KIF18A: variants seen among roughly 807,000 people sequenced by gnomAD.
KIF18A encodes kinesin family member 18A, also known as kinesin-like protein KIF18A.
Under a neutral mutation model 103.3 loss-of-function variants are expected in KIF18A, and 67 were observed. The observed-to-expected ratio is 0.65, with a 90% CI of 0.53 to 0.79. The LOEUF (loss-of-function observed/expected upper bound fraction) is 0.79. KIF18A is among the 30% of genes least tolerant of loss of function. KIF18A has a pLI of 0.00. For missense variants in KIF18A, 1,032 were observed against 1,062.5 expected, an observed-to-expected ratio of 0.97 and a Z score of 0.40; for synonymous variants, 367 against 355.5, an observed-to-expected ratio of 1.03 and a Z score of -0.36.
intron 13 of KIF18A, among the ~76,000 whole-genome samples, chr11:28,044,741 G>A (rs1850607806): frequency 1.3e-5 from 2 of 151,984 alleles, no homozygotes; most frequent in Non-Finnish European, 1.5e-5. Context: ...AACTGTAAAT[G>A]CATGCACTGA....
rs1180186054 is a variant in KIF18A at position 28,064,207 on chromosome 11, G to T, written c.1591-1691C>A. 5.9e-5 allele frequency among the ~76,000 whole-genome samples: 9 copies of T among 151,846 alleles called. 2 individuals are homozygous for T. The South Asian group carries it at 1.9e-3, about 32-fold the overall frequency. On this transcript the variant is annotated intron_variant, in intron 11 of 16. Coordinates refer to ENST00000263181, the MANE Select transcript of KIF18A (RefSeq NM_031217.4). ...TTATACTTCAAGAAATATAGCAAAT[G>T]TTTTAGAAAAAAATTTATCTTTATG...
intron 11 of KIF18A, among the ~76,000 whole-genome samples, chr11:28,068,551 A>G (rs1185441913): frequency 6.6e-6 from 1 of 151,740 alleles, no homozygotes; most frequent in East Asian, 1.9e-4. Flanking sequence ...TTTCTAGCCA[A>G]TACATTAGTC....
chr11:28,089,482 T>G (rs569061473), intron 5 of KIF18A, among the ~76,000 whole-genome samples: 1 of 152,208 alleles, frequency 6.6e-6, no homozygotes, highest in Non-Finnish European at 1.5e-5. Flanking sequence ...CATAATTGTA[T>G]GTACTATATT....
At chr11:28,088,453 A>G (rs1295792577) in intron 6 of KIF18A, 71 bp downstream of exon 6, 1 of 1,287,734 alleles carries the variant, frequency 7.8e-7, no homozygotes, top group Non-Finnish European at 1.1e-6. Flanking sequence ...AAACAAAATC[A>G]TATTAAATAG....
At chr11:28,024,892 C>T (rs1457777071) in intron 15 of KIF18A, among the ~76,000 whole-genome samples, 1 of 151,878 alleles carries the variant, frequency 6.6e-6, no homozygotes, top group Middle Eastern at 3.2e-3. Flanking sequence ...CTTCTAAGAT[C>T]GCCAGTGGAT....
At chr11:28,041,324 G>C (rs189804029) in intron 13 of KIF18A, among the ~76,000 whole-genome samples, 246 of 151,854 alleles carry the variant, frequency 1.6e-3, no homozygotes, top group African/African-American at 5.7e-3. Flanking sequence ...CAATTCTAAG[G>C]ATGGAATATG....
At chr11:28,101,452 T>A (rs1424579363) in intron 1 of KIF18A, among the ~76,000 whole-genome samples, 1 of 152,184 alleles carries the variant, frequency 6.6e-6, no homozygotes, top group African/African-American at 2.4e-5. Flanking sequence ...AGTTAATTAA[T>A]TCATGACAAC....
At chr11:28,070,783 G>GTAA (rs1851002702) in intron 10 of KIF18A, among the ~76,000 whole-genome samples, 1 of 152,240 alleles carries the variant, frequency 6.6e-6, no homozygotes, top group Non-Finnish European at 1.5e-5. Flanking sequence ...GCTCATGCCA[G>GTAA]TAATTCTAGC....
chr11:28,022,160 T>C (rs75509368), intron 16 of KIF18A, among the ~76,000 whole-genome samples: 4,318 of 152,256 alleles, frequency 0.028, 71 homozygotes, highest in Non-Finnish European at 0.044. Context: ...CACTTTTTTT[T>C]CCCCATAGTA....
In KIF18A at chr11:28,036,459, A is replaced by G. The variant is rs767716781; in HGVS notation, c.2154T>C (p.Ser718=). ...EDCRKAFQNP[S]TVTLMKPSSF... ...ATGATGGTTTCATTAAGGTTACTGT[A>G]GACGGATTTTGAAAAGCTTTTCTAC... Residue 718 remains serine (S), a synonymous_variant, in exon 14 of 17, where the codon TCT becomes TCC. Transcript: ENST00000263181. 49 of 1,611,180 alleles carry G rather than the reference A, an allele frequency of 3.0e-5. No homozygotes were observed. The South Asian group carries it at 5.3e-4, about 17-fold the overall frequency.
intron 15 of KIF18A, among the ~76,000 whole-genome samples, chr11:28,027,095 T>C (rs1035404901): frequency 5.3e-5 from 8 of 151,852 alleles, no homozygotes; most frequent in Non-Finnish European, 1.2e-4. Context: ...ATAAGTAGGC[T>C]ACTTGTAAAT....
intron 1 of KIF18A, among the ~76,000 whole-genome samples, chr11:28,101,201 CCT>C (rs1851442264): frequency 6.6e-6 from 1 of 152,014 alleles, no homozygotes; most frequent in African/African-American, 2.4e-5. Context: ...ATTTCTCTCC[CCT>C]GTCTATTAAA....
intron 13 of KIF18A, among the ~76,000 whole-genome samples, chr11:28,052,033 C>T (rs919198697): frequency 1.3e-5 from 2 of 152,110 alleles, no homozygotes; most frequent in African/African-American, 2.4e-5. Flanking sequence ...TCTTTCTCTC[C>T]TATTCCAAAT....
At chr11:28,080,258 G>A (rs1010639934) in intron 9 of KIF18A, among the ~76,000 whole-genome samples, 55 of 151,390 alleles carry the variant, frequency 3.6e-4, no homozygotes, top group African/African-American at 1.3e-3. Context: ...TCTACAAAGT[G>A]TGAAATATAA....
intron 11 of KIF18A, among the ~76,000 whole-genome samples, chr11:28,066,367 A>G (rs1251186931): frequency 6.6e-6 from 1 of 151,970 alleles, no homozygotes; most frequent in African/African-American, 2.4e-5. Flanking sequence ...TCAACAACAT[A>G]ACCATATTTC....
chr11:28,058,807 T>C, intron 13 of KIF18A, 119 bp downstream of exon 13: 1 of 731,278 alleles, frequency 1.4e-6, no homozygotes, highest in Non-Finnish European at 2.2e-6. Flanking sequence ...AAGCTAATTT[T>C]CCCATTAATT....
At position 28,067,286 on chromosome 11, in the gene KIF18A, T is replaced by C. The variant is rs150846877; in HGVS notation, c.1590+1973A>G. On this transcript the variant is annotated intron_variant, in intron 11 of 16. Transcript: ENST00000263181. Reference sequence around the variant, plus strand: ...CTAATCTACTTAACTAACTGACTGGTATGCTTTTATCAAGATATTTTGAGG... The same window carrying C: ...CTAATCTACTTAACTAACTGACTGGCATGCTTTTATCAAGATATTTTGAGG... Among the ~76,000 whole-genome samples the C allele has an allele frequency of 1.4e-3, 206 of 152,244 alleles. 1 individual carries two copies. Among genetic ancestry groups the C allele is most frequent in the African/African-American group, 4.7e-3 (196 of 41,568 alleles).
At chr11:28,083,330 T>C (rs1235320426) in intron 7 of KIF18A, 87 bp from the exon 8 acceptor site, 2 of 1,366,398 alleles carry the variant, frequency 1.5e-6, no homozygotes, top group East Asian at 2.9e-5. Context: ...TGCATTTTCA[T>C]TGAGTTCCAT....
intron 13 of KIF18A, among the ~76,000 whole-genome samples, chr11:28,039,683 A>T (rs1378452568): frequency 1.3e-5 from 2 of 151,764 alleles, no homozygotes; most frequent in Non-Finnish European, 2.9e-5. Flanking sequence ...TAGTATGATC[A>T]GACTGACTAA....
Sources: allele counts gnomAD v4.1 joint callset (sites outside exome capture counted in the v4.1 genomes callset), GRCh38; gene constraint gnomAD v4.1.1; transcripts MANE v1.5; gene names NCBI Gene and HGNC (gene_info 2026-07-23, HGNC 2026-07-21).